FARP1: variants seen among roughly 807,000 people sequenced by gnomAD.
FARP1 encodes FERM, ARHGEF and pleckstrin domain-containing protein 1.
A neutral mutation model predicts 128.8 loss-of-function variants in FARP1; 52 were observed. The observed-to-expected ratio is 0.40, with a 90% confidence interval of 0.32 to 0.51. The LOEUF (loss-of-function observed/expected upper bound fraction) is 0.51. Ranked by LOEUF, FARP1 falls within the 20% of genes least tolerant of loss-of-function variation. The probability of loss-of-function intolerance (pLI) is 0.45; values close to 1 mark genes in which losing one functional copy is unlikely to be tolerated. For missense variants in FARP1, 1,333 were observed against 1,367.9 expected (o/e 0.97, Z 0.40); for synonymous variants, 580 against 551.8 (o/e 1.05, Z -0.72).
At chr13:98,347,173 A>T (rs1053273036) in intron 3 of FARP1, among the ~76,000 whole-genome samples, 1 of 152,148 alleles carries the variant, frequency 6.6e-6, no homozygotes, top group Non-Finnish European at 1.5e-5. Flanking sequence ...TTAGCGTGCA[A>T]CCCAGTGTCT....
intron 21 of FARP1, among the ~76,000 whole-genome samples, chr13:98,439,675 G>A (rs774943405): frequency 4.6e-5 from 7 of 152,228 alleles, no homozygotes; most frequent in African/African-American, 7.2e-5. Context: ...GAGGGCGCCT[G>A]GGCCTGGGAT....
At chr13:98,424,534 G>C (rs745725097) in intron 16 of FARP1, 38 bp from the exon 17 acceptor site, 1 of 1,356,562 alleles carries the variant, frequency 7.4e-7, no homozygotes, top group Non-Finnish European at 1.1e-6. Context: ...TGTCACTACT[G>C]ATGCTTTGTA....
chr13:98,393,750 G>C (rs375929911), intron 12 of FARP1, 32 bp downstream of exon 12: 3 of 1,550,146 alleles, frequency 1.9e-6, no homozygotes, highest in Admixed American at 1.7e-5. Context: ...TGATAACTCT[G>C]CTTTTCCCCA....
chr13:98,232,540 TC>T lies in FARP1; in HGVS notation c.171+19129del, dbSNP rs142552979. ...TTCGCATGTCTATTGGCCCCATTTTTCCAACAGCATGTGCTTATTTCATGTC... is the reference window on the plus strand; with the variant it reads ...TTCGCATGTCTATTGGCCCCATTTTTCAACAGCATGTGCTTATTTCATGTC... On this transcript the variant is annotated intron_variant, in intron 2 of 26. Transcript: ENST00000319562. Among the ~76,000 whole-genome samples the T allele has an allele frequency of 5.6e-4, 85 of 152,378 alleles. No individual in the cohort carries two copies. The East Asian group carries it at 0.016, about 28-fold the overall frequency.
chr13:98,384,909 G>T lies in FARP1; in HGVS notation c.611+65G>T. 6 of 926,020 alleles carry T rather than the reference G, an allele frequency of 6.5e-6. No homozygotes were observed. In the South Asian group the frequency reaches 6.6e-5, roughly 10 times the overall value. 57.4% of individuals were successfully genotyped at this position (926,020 alleles called of 1,614,324 possible). A position where few individuals can be genotyped will look rare whatever the true frequency, so the allele number is the denominator to read the frequency against. ...TTCTCTCTGCCTCCAACCTACATGGGTGTACATCCCTCCACCCCCCACACA... is the reference window on the plus strand; with the variant it reads ...TTCTCTCTGCCTCCAACCTACATGGTTGTACATCCCTCCACCCCCCACACA... On this transcript the variant is annotated intron_variant, in intron 7 of 26. Coordinates refer to ENST00000319562, the MANE Select transcript of FARP1 (RefSeq NM_005766.4).
chr13:98,210,163 T>G (rs1594273979), intron 1 of FARP1, among the ~76,000 whole-genome samples: 1 of 151,966 alleles, frequency 6.6e-6, no homozygotes, highest in South Asian at 2.1e-4. Context: ...CAAATGTGAG[T>G]GAGACGCAGC....
intron 5 of FARP1, among the ~76,000 whole-genome samples, chr13:98,373,728 C>T (rs12430491): frequency 0.12 from 18,971 of 152,044 alleles, 1,403 homozygotes; most frequent in East Asian, 0.3. Flanking sequence ...TTTTTTAGTT[C>T]TTAATAATAA....
chr13:98,401,682 A>G (rs987938251), intron 13 of FARP1: 4 of 150,836 alleles, frequency 2.7e-5, no homozygotes, highest in African/African-American at 9.8e-5. Flanking sequence ...CATAAAATAA[A>G]CTGCACACCA....
intron 24 of FARP1, among the ~76,000 whole-genome samples, chr13:98,441,495 A>G (rs1892522656): frequency 6.6e-6 from 1 of 152,248 alleles, no homozygotes; most frequent in African/African-American, 2.4e-5. Context: ...AGCTAGTGCC[A>G]GGAGGGCGAA....
chr13:98,427,214 C>CT (rs1566311418), intron 17 of FARP1, among the ~76,000 whole-genome samples: 2 of 152,184 alleles, frequency 1.3e-5, no homozygotes, highest in Non-Finnish European at 2.9e-5. Context: ...AACCACTGAC[C>CT]TTTTCCCATC....
intron 1 of FARP1, among the ~76,000 whole-genome samples, chr13:98,191,986 A>G (rs989209703): frequency 1.3e-5 from 2 of 152,102 alleles, no homozygotes; most frequent in Non-Finnish European, 2.9e-5. Flanking sequence ...TTTAGAGAAA[A>G]ATGACTTGTA....
At chr13:98,280,311 C>G (rs2139620372) in intron 2 of FARP1, among the ~76,000 whole-genome samples, 1 of 152,348 alleles carries the variant, frequency 6.6e-6, no homozygotes, top group East Asian at 1.9e-4. Flanking sequence ...TCCAGCCCAG[C>G]CCCGAGCCCC....
At chr13:98,424,157 A>G (rs1891692948) in intron 16 of FARP1, among the ~76,000 whole-genome samples, 1 of 152,224 alleles carries the variant, frequency 6.6e-6, no homozygotes, top group Non-Finnish European at 1.5e-5. Flanking sequence ...TGCTTCCTGC[A>G]GGTGTCTAGC....
chr13:98,262,097 C>T (rs1034575199), intron 2 of FARP1, among the ~76,000 whole-genome samples: 20 of 148,238 alleles, frequency 1.3e-4, no homozygotes, highest in African/African-American at 4.7e-4. Context: ...CTCACTGCAA[C>T]CTCCACCTCC....
chr13:98,410,631 A>G (rs1384902435), intron 14 of FARP1, 103 bp from the exon 15 acceptor site: 1 of 573,184 alleles, frequency 1.7e-6, no homozygotes, highest in Admixed American at 3.0e-5. Context: ...GCCAGCTAAC[A>G]AAAGATCACA....
At chr13:98,308,796 G>A (rs535811745) in intron 2 of FARP1, among the ~76,000 whole-genome samples, 1 of 152,078 alleles carries the variant, frequency 6.6e-6, no homozygotes, top group Admixed American at 6.5e-5. Context: ...AGCCTCCCGA[G>A]TAGCTGGTAC....
At chr13:98,318,198 G>A (rs1404500567) in intron 2 of FARP1, among the ~76,000 whole-genome samples, 5 of 151,020 alleles carry the variant, frequency 3.3e-5, no homozygotes, top group Non-Finnish European at 2.9e-5. Context: ...TGTGACTACA[G>A]GCATGCACCA....
intron 6 of FARP1, among the ~76,000 whole-genome samples, chr13:98,380,592 T>C (rs2140023616): frequency 6.6e-6 from 1 of 152,276 alleles, no homozygotes; most frequent in African/African-American, 2.4e-5. Context: ...CCCAAAATTT[T>C]TTTTTTAGAC....
chr13:98,362,063 A>G (rs1888896333), intron 3 of FARP1, among the ~76,000 whole-genome samples: 1 of 152,178 alleles, frequency 6.6e-6, no homozygotes, highest in South Asian at 2.1e-4. Flanking sequence ...CAGGATTTCG[A>G]GACCAGCCTG....
Sources: gnomAD v4.1 joint callset for allele counts (sites outside exome capture counted in the v4.1 genomes callset) on GRCh38, gnomAD v4.1.1 for gene constraint, MANE v1.5 for transcripts, NCBI Gene and HGNC (gene_info 2026-07-23, HGNC 2026-07-21) for gene names.